Variants in NLGN1 observed in about 807,000 individuals in gnomAD.
NLGN1 encodes neuroligin 1.
In NLGN1, 12 loss-of-function variants were observed where a neutral mutation model predicts 65.5. That is an observed-to-expected ratio of 0.18 (90% confidence interval 0.12 to 0.30). The LOEUF is 0.30. NLGN1 is among the 10% of genes least tolerant of loss of function. The pLI, the probability that NLGN1 is intolerant of heterozygous loss-of-function variation, is 1.00. For missense variants in NLGN1, 750 were observed against 1,007.1 expected, an observed-to-expected ratio of 0.74 and a Z score of 3.46; for synonymous variants, 350 against 359.5, an observed-to-expected ratio of 0.97 and a Z score of 0.30.
intron 2 of NLGN1, among the ~76,000 whole-genome samples, chr3:173,507,372 C>T (rs927594438): frequency 6.6e-6 from 1 of 152,046 alleles, no homozygotes; most frequent in Non-Finnish European, 1.5e-5. Flanking sequence ...AAAATGATAG[C>T]ACAATTAGCT....
intron 4 of NLGN1, among the ~76,000 whole-genome samples, chr3:173,973,008 A>C (rs1716617891): frequency 6.6e-6 from 1 of 152,136 alleles, no homozygotes; most frequent in Non-Finnish European, 1.5e-5. Flanking sequence ...TTTAAATCAC[A>C]GCACTGCCGC....
chr3:174,227,711 A>G (rs1381794015), intron 4 of NLGN1, among the ~76,000 whole-genome samples: 1 of 152,092 alleles, frequency 6.6e-6, no homozygotes, highest in Non-Finnish European at 1.5e-5. Flanking sequence ...GTCTGGTGGC[A>G]AATGTGTCAC....
intron 4 of NLGN1, among the ~76,000 whole-genome samples, chr3:173,889,674 G>C (rs1207365434): frequency 1.3e-5 from 2 of 152,104 alleles, no homozygotes; most frequent in Non-Finnish European, 2.9e-5. Flanking sequence ...AGGAATAAAA[G>C]AACACAGCAA....
chr3:173,484,068 C>A (rs9849097), intron 2 of NLGN1, among the ~76,000 whole-genome samples: 1,873 of 152,014 alleles, frequency 0.012, 37 homozygotes, highest in African/African-American at 0.044. Flanking sequence ...CACAGATAAC[C>A]CAGATTATAA....
At chr3:174,255,616 TTTCTC>T (rs1745575925) in intron 4 of NLGN1, among the ~76,000 whole-genome samples, 2 of 114,178 alleles carry the variant, frequency 1.8e-5, no homozygotes, top group South Asian at 7.3e-4. Flanking sequence ...ACTAAGTCTT[TTTCTC>T]TTTCTTTCTT....
intron 4 of NLGN1, among the ~76,000 whole-genome samples, chr3:173,829,551 TGC>T (rs1481586918): frequency 9.3e-5 from 4 of 42,924 alleles, no homozygotes; most frequent in African/African-American, 2.5e-4. Context: ...GTGGAGTGTG[TGC>T]GTGTGTGTGT....
intron 2 of NLGN1, among the ~76,000 whole-genome samples, chr3:173,449,053 T>C (rs1338460227): frequency 6.6e-6 from 1 of 152,216 alleles, no homozygotes; most frequent in Non-Finnish European, 1.5e-5. Context: ...TTTTTGTGTC[T>C]CCATTTCCTT....
chr3:173,543,138 TG>T (rs1739174191), intron 2 of NLGN1, among the ~76,000 whole-genome samples: 1 of 152,138 alleles, frequency 6.6e-6, no homozygotes, highest in Non-Finnish European at 1.5e-5. Context: ...ACCATATTAT[TG>T]AATTTTTTCT....
intron 2 of NLGN1, among the ~76,000 whole-genome samples, chr3:173,566,175 C>A (rs1015599605): frequency 6.6e-6 from 1 of 152,140 alleles, no homozygotes; most frequent in Non-Finnish European, 1.5e-5. Context: ...ATATTCATGA[C>A]TGTATCTGGT....
chr3:173,795,307 T>C (rs1387426154), intron 3 of NLGN1, among the ~76,000 whole-genome samples: 1 of 152,136 alleles, frequency 6.6e-6, no homozygotes, highest in East Asian at 1.9e-4. Flanking sequence ...TAGTTTAGCA[T>C]AATACAAACG....
At chr3:173,505,789 AAAT>A (rs1250730677) in intron 2 of NLGN1, among the ~76,000 whole-genome samples, 1 of 152,102 alleles carries the variant, frequency 6.6e-6, no homozygotes, top group East Asian at 1.9e-4. Flanking sequence ...CACAATTATT[AAAT>A]AATGACTTAA....
chr3:173,511,108 A>C (rs114008463), intron 2 of NLGN1, among the ~76,000 whole-genome samples: 1 of 152,284 alleles, frequency 6.6e-6, no homozygotes, highest in Non-Finnish European at 1.5e-5. Flanking sequence ...GAAGCATTTG[A>C]TATGAAGGCG....
At chr3:173,465,606 A>G (rs981154855) in intron 2 of NLGN1, among the ~76,000 whole-genome samples, 1 of 152,254 alleles carries the variant, frequency 6.6e-6, no homozygotes, top group African/African-American at 2.4e-5. Flanking sequence ...GACAAAATTC[A>G]TAGAAGTGAA....
chr3:174,290,760 G>T (rs945588571), downstream of NLGN1, among the ~76,000 whole-genome samples: 1 of 150,958 alleles, frequency 6.6e-6, no homozygotes, highest in Non-Finnish European at 1.5e-5. Context: ...TAAATACTGG[G>T]AATAAAGGAC....
intron 4 of NLGN1, among the ~76,000 whole-genome samples, chr3:174,246,416 T>TTTTTTTTTTTTA (rs1418599166): frequency 6.6e-6 from 1 of 152,154 alleles, no homozygotes; most frequent in Non-Finnish European, 1.5e-5. Context: ...AGGATGACCC[T>TTTTTTTTTTTTA]AATTCCATTT....
intron 2 of NLGN1, among the ~76,000 whole-genome samples, chr3:173,493,324 C>G (rs564505731): frequency 1.3e-5 from 2 of 151,838 alleles, no homozygotes; most frequent in East Asian, 3.9e-4. Flanking sequence ...TGAAGGGACT[C>G]ATTTTTACAT....
At chr3:174,012,366 CT>C (rs1015726026) in intron 4 of NLGN1, among the ~76,000 whole-genome samples, 3 of 152,074 alleles carry the variant, frequency 2.0e-5, no homozygotes, top group South Asian at 2.1e-4. Flanking sequence ...TTAAATTGAT[CT>C]TTTTTTTAAG....
In NLGN1 at chr3:174,126,603, G is replaced by C. The variant is rs566226625; in HGVS notation, c.647-148712G>C. ...CATCATTATTGTTAATATAGTTTAG[G>C]AGTCAATTCACTCTCCATATCAAAA... On this transcript the variant is annotated intron_variant, in intron 4 of 6. Transcript: ENST00000457714. Among the ~76,000 whole-genome samples, 46 of 152,102 alleles carry C rather than the reference G, an allele frequency of 3.0e-4. 1 individual carries two copies. Among genetic ancestry groups the C allele is most frequent in the Non-Finnish European group, 5.3e-4 (36 of 67,978 alleles).
intron 4 of NLGN1, among the ~76,000 whole-genome samples, chr3:174,100,767 T>C (rs569218916): frequency 6.6e-6 from 1 of 152,226 alleles, no homozygotes; most frequent in African/African-American, 2.4e-5. Flanking sequence ...TTCTAAGATC[T>C]TCATAAGGGG....
Sources: allele counts gnomAD v4.1 joint callset (sites outside exome capture counted in the v4.1 genomes callset), GRCh38; gene constraint gnomAD v4.1.1; transcripts MANE v1.5; gene names NCBI Gene and HGNC (gene_info 2026-07-23, HGNC 2026-07-21).